HS6ST3: variants seen among roughly 807,000 people sequenced by gnomAD.
The protein encoded by HS6ST3 is heparan-sulfate 6-O-sulfotransferase 3.
Under a neutral mutation model 36.7 loss-of-function variants are expected in HS6ST3, and 12 were observed. The ratio of observed to expected loss-of-function variants is 0.33; its 90% CI spans 0.21 to 0.53. The LOEUF is 0.53. Among genes scored for constraint, HS6ST3 ranks in the 20% least tolerant of loss-of-function variants. The probability of loss-of-function intolerance (pLI) is 0.95; values close to 1 mark genes in which losing one functional copy is unlikely to be tolerated. For synonymous variants in HS6ST3, 240 were observed against 257.5 expected (o/e 0.93, Z 0.65); for missense variants, 584 against 640.9 (o/e 0.91, Z 0.96).
intron 1 of HS6ST3, among the ~76,000 whole-genome samples, chr13:96,178,439 AAAG>A (rs532327667): frequency 3.9e-5 from 6 of 152,170 alleles, no homozygotes; most frequent in Non-Finnish European, 7.3e-5. Context: ...TCAAATGCCA[AAAG>A]AAGGAGGGCT....
intron 1 of HS6ST3, among the ~76,000 whole-genome samples, chr13:96,441,406 G>A (rs573552079): frequency 6.6e-5 from 10 of 152,038 alleles, no homozygotes; most frequent in East Asian, 1.9e-4. Context: ...GCACAATGAC[G>A]GCTCCTCACT....
chr13:96,239,543 C>A (rs1490342916), intron 1 of HS6ST3, among the ~76,000 whole-genome samples: 1 of 152,144 alleles, frequency 6.6e-6, no homozygotes, highest in Non-Finnish European at 1.5e-5. Context: ...ATGCTTTTTG[C>A]AAGGCATTCA....
At chr13:96,209,194 TA>T (rs1311214308) in intron 1 of HS6ST3, among the ~76,000 whole-genome samples, 2 of 152,172 alleles carry the variant, frequency 1.3e-5, no homozygotes, top group Admixed American at 6.6e-5. Context: ...TCCTTGATCT[TA>T]CAAGGGAGAG....
intron 1 of HS6ST3, among the ~76,000 whole-genome samples, chr13:96,665,450 A>T (rs779326423): frequency 6.6e-6 from 1 of 152,204 alleles, no homozygotes; most frequent in Non-Finnish European, 1.5e-5. Flanking sequence ...AGTATACCAA[A>T]GAAAAAATGT....
At chr13:96,105,429 T>A (rs922057225) in intron 1 of HS6ST3, among the ~76,000 whole-genome samples, 5 of 152,140 alleles carry the variant, frequency 3.3e-5, no homozygotes, top group African/African-American at 4.8e-5. Context: ...GGCAGGTGGA[T>A]CACTTGAGGT....
At chr13:96,826,243 CA>C (rs1225507302) in intron 1 of HS6ST3, among the ~76,000 whole-genome samples, 3 of 152,156 alleles carry the variant, frequency 2.0e-5, no homozygotes, top group Non-Finnish European at 2.9e-5. Context: ...AATCAAATGA[CA>C]AGTGCATTAG....
At chr13:96,366,068 T>C (rs1001304005) in intron 1 of HS6ST3, among the ~76,000 whole-genome samples, 23 of 152,312 alleles carry the variant, frequency 1.5e-4, no homozygotes, top group African/African-American at 5.3e-4. Flanking sequence ...ACTCCTTCCC[T>C]AGGGAGGTGA....
At chr13:96,400,200 GAC>G (rs1385314811) in intron 1 of HS6ST3, among the ~76,000 whole-genome samples, 14 of 134,070 alleles carry the variant, frequency 1.0e-4, no homozygotes, top group African/African-American at 2.9e-4. Flanking sequence ...CATATATGCA[GAC>G]ACACATATAC....
At chr13:96,734,500 T>G (rs917918786) in intron 1 of HS6ST3, among the ~76,000 whole-genome samples, 3 of 152,214 alleles carry the variant, frequency 2.0e-5, no homozygotes, top group Non-Finnish European at 4.4e-5. Context: ...AGGAGGGAAC[T>G]GAAATTAAAA....
intron 1 of HS6ST3, among the ~76,000 whole-genome samples, chr13:96,441,735 A>T (rs1566362062): frequency 6.6e-6 from 1 of 152,200 alleles, no homozygotes; most frequent in Admixed American, 6.5e-5. Flanking sequence ...AAAGGTAAAA[A>T]TATTACTATT....
At chr13:96,308,968 T>A (rs1010721114) in intron 1 of HS6ST3, among the ~76,000 whole-genome samples, 2 of 152,154 alleles carry the variant, frequency 1.3e-5, no homozygotes, top group Admixed American at 1.3e-4. Context: ...GAAATTATAT[T>A]TGGCATATTT....
At chr13:96,580,991 G>A (rs1272781385) in intron 1 of HS6ST3, among the ~76,000 whole-genome samples, 1 of 152,128 alleles carries the variant, frequency 6.6e-6, no homozygotes, top group Non-Finnish European at 1.5e-5. Context: ...AGAATAAAAT[G>A]AGATAGAATG....
intron 1 of HS6ST3, among the ~76,000 whole-genome samples, chr13:96,200,001 C>G (rs1020442858): frequency 2.0e-5 from 3 of 152,100 alleles, no homozygotes; most frequent in Non-Finnish European, 4.4e-5. Flanking sequence ...TGAATTACAT[C>G]CATGTTTCGA....
At chr13:96,828,489 G>A (rs1231001951) in intron 1 of HS6ST3, among the ~76,000 whole-genome samples, 1 of 151,932 alleles carries the variant, frequency 6.6e-6, no homozygotes, top group Non-Finnish European at 1.5e-5. Flanking sequence ...CAAAATAGGA[G>A]GTTTTCTTTC....
chr13:96,294,646 G>A (rs1000661900), intron 1 of HS6ST3, among the ~76,000 whole-genome samples: 2 of 152,010 alleles, frequency 1.3e-5, no homozygotes, highest in Non-Finnish European at 2.9e-5. Flanking sequence ...TTGTGAAATA[G>A]TATTCATATT....
At chr13:96,512,466 T>C (rs2056053679) in intron 1 of HS6ST3, among the ~76,000 whole-genome samples, 1 of 152,330 alleles carries the variant, frequency 6.6e-6, no homozygotes, top group South Asian at 2.1e-4. Context: ...TACTGAATTT[T>C]ATACTGACTA....
intron 1 of HS6ST3, among the ~76,000 whole-genome samples, chr13:96,529,343 G>A (rs974837889): frequency 1.3e-5 from 2 of 152,080 alleles, no homozygotes; most frequent in African/African-American, 2.4e-5. Context: ...GTTAGGATGT[G>A]CAAATTAAGA....
At chr13:96,785,126 G>A (rs1448220433) in intron 1 of HS6ST3, among the ~76,000 whole-genome samples, 3 of 152,052 alleles carry the variant, frequency 2.0e-5, no homozygotes, top group Middle Eastern at 3.4e-3. Context: ...CTGAGATCAC[G>A]CCACTGCACT....
At chr13:96,174,036 G>C (rs2054201380) in intron 1 of HS6ST3, among the ~76,000 whole-genome samples, 1 of 151,432 alleles carries the variant, frequency 6.6e-6, no homozygotes. Context: ...GCTTTTAACA[G>C]ATAGGAACAG....
Sources: allele counts gnomAD v4.1 joint callset (sites outside exome capture counted in the v4.1 genomes callset), GRCh38; gene constraint gnomAD v4.1.1; transcripts MANE v1.5; gene names NCBI Gene and HGNC (gene_info 2026-07-23, HGNC 2026-07-21).